Variants in PTPRD observed in about 807,000 individuals in gnomAD.
The protein encoded by PTPRD is receptor-type tyrosine-protein phosphatase delta.
In PTPRD, 34 loss-of-function variants were observed where a neutral mutation model predicts 214.5. The ratio of observed to expected loss-of-function variants is 0.16; its 90% confidence interval spans 0.12 to 0.21. The LOEUF is 0.21. Among genes scored for constraint, PTPRD ranks in the 10% least tolerant of loss-of-function variants. PTPRD has a pLI of 1.00. For missense variants in PTPRD, 2,545 were observed against 2,398.7 expected (o/e 1.06, Z -1.27); for synonymous variants, 1,128 against 845.7 (o/e 1.33, Z -5.79).
intron 3 of PTPRD, among the ~76,000 whole-genome samples, chr9:10,092,738 T>C (rs2098444903): frequency 6.6e-6 from 1 of 151,354 alleles, no homozygotes; most frequent in African/African-American, 2.4e-5. Context: ...CAGCATAGTA[T>C]TGGTACAAAA....
intron 11 of PTPRD, among the ~76,000 whole-genome samples, chr9:8,813,316 G>C (rs964675964): frequency 1.3e-5 from 2 of 152,120 alleles, no homozygotes; most frequent in Admixed American, 6.6e-5. Flanking sequence ...AGCCACAAAG[G>C]AATAGCTTAT....
intron 4 of PTPRD, among the ~76,000 whole-genome samples, chr9:10,017,006 G>A (rs2154114272): frequency 6.6e-6 from 1 of 152,208 alleles, no homozygotes; most frequent in East Asian, 1.9e-4. Flanking sequence ...GTAATGAGAA[G>A]TTTGTGTCAC....
chr9:8,501,940 T>C (rs991268047), intron 23 of PTPRD, among the ~76,000 whole-genome samples: 1 of 152,154 alleles, frequency 6.6e-6, no homozygotes, highest in African/African-American at 2.4e-5. Flanking sequence ...AAAATGTCAA[T>C]AACACAGCCA....
rs1567480349 is a variant in PTPRD, at chr9:10,070,200, C to T, written c.-544-36410G>A. ...TGGCTTTTCTGGCTTAGGCAATAAACTGTCTGTTTTGTCCACTTTTTTGTC... is the reference window on the plus strand; with the variant it reads ...TGGCTTTTCTGGCTTAGGCAATAAATTGTCTGTTTTGTCCACTTTTTTGTC... On this transcript the variant is annotated intron_variant, in intron 3 of 45. Coordinates refer to ENST00000381196, the MANE Select transcript of PTPRD (RefSeq NM_002839.4). 1.3e-5 allele frequency among the ~76,000 whole-genome samples: 2 copies of T among 152,132 alleles called. 1 individual carries two copies. The highest frequency in any genetic ancestry group is 6.8e-3 in the Middle Eastern group (2 of 294).
At chr9:10,337,227 C>T (rs1012907040) in intron 3 of PTPRD, among the ~76,000 whole-genome samples, 3 of 151,572 alleles carry the variant, frequency 2.0e-5, no homozygotes, top group Non-Finnish European at 3.0e-5. Flanking sequence ...ATTTATGAAA[C>T]AGAATTTTCC....
intron 24 of PTPRD, among the ~76,000 whole-genome samples, chr9:8,500,050 CAA>C (rs34424655): frequency 0.13 from 10,156 of 78,168 alleles, 298 homozygotes; most frequent in South Asian, 0.19. Flanking sequence ...ATGACCGATG[CAA>C]AAAAAAAAAA....
At position 8,486,263 on chromosome 9, in the gene PTPRD, G is replaced by C. The variant is rs2135970301; in HGVS notation, c.2554C>G (p.Pro852Ala). 1 of 1,614,126 alleles carries C rather than the reference G, an allele frequency of 6.2e-7. No individual in the cohort carries two copies. Among genetic ancestry groups the C allele is most frequent in the African/African-American group, 1.3e-5 (1 of 75,034 alleles). ...QWHPPVDTFG[P>A]LQGYRLKFGR... ...AATTTTAGACGGTAGCCCTGAAGAGGTCCAAATGTGTCCACCGGAGGGTGC... is the reference window on the plus strand; with the variant it reads ...AATTTTAGACGGTAGCCCTGAAGAGCTCCAAATGTGTCCACCGGAGGGTGC... Residue 852 changes from proline (P) to alanine (A), a missense_variant, in exon 28 of 46, where the codon CCT becomes GCT. Pro to Ala is a conservative substitution (Grantham distance 27). Coordinates refer to ENST00000381196, the MANE Select transcript of PTPRD (RefSeq NM_002839.4).
chr9:10,051,278 G>A (rs1213603101), intron 3 of PTPRD, among the ~76,000 whole-genome samples: 2 of 152,012 alleles, frequency 1.3e-5, no homozygotes, highest in Non-Finnish European at 2.9e-5. Context: ...GGTAATTATT[G>A]CTCAGTACTA....
chr9:9,799,887 G>A (rs1189025161), intron 5 of PTPRD, among the ~76,000 whole-genome samples: 1 of 151,990 alleles, frequency 6.6e-6, no homozygotes, highest in East Asian at 1.9e-4. Flanking sequence ...GATTAATCAC[G>A]AAGACAAAAG....
intron 9 of PTPRD, among the ~76,000 whole-genome samples, chr9:9,288,382 T>G (rs1176875831): frequency 6.6e-6 from 1 of 151,900 alleles, no homozygotes; most frequent in Non-Finnish European, 1.5e-5. Flanking sequence ...TTTCATACTT[T>G]GTTAAACATT....
chr9:9,391,680 C>A (rs1166472956), intron 9 of PTPRD, among the ~76,000 whole-genome samples: 4 of 152,108 alleles, frequency 2.6e-5, no homozygotes, highest in African/African-American at 9.7e-5. Flanking sequence ...GGCATTATTT[C>A]TCTTCCATTT....
Position 8,417,719 on chromosome 9 carries a change from A to T in PTPRD, c.4087-13059T>A, listed in dbSNP as rs191787571. 1.8e-3 allele frequency among the ~76,000 whole-genome samples: 272 copies of T among 152,220 alleles called. 1 individual carries two copies. The highest frequency in any genetic ancestry group is 6.3e-3 in the African/African-American group (263 of 41,542). On this transcript the variant is annotated intron_variant, in intron 35 of 45. Transcript: ENST00000381196. ...TAACTACTGTGAGAGAGACAGCTAC[A>T]AGATCAAAATGTAGGCTGCCAGTGA...
chr9:8,698,667 C>T (rs915353241), intron 12 of PTPRD, among the ~76,000 whole-genome samples: 2 of 152,154 alleles, frequency 1.3e-5, no homozygotes, highest in African/African-American at 4.8e-5. Context: ...GGATTCTACA[C>T]CTGCCGCCTC....
chr9:9,880,123 G>C (rs2068188182), intron 5 of PTPRD, among the ~76,000 whole-genome samples: 1 of 152,096 alleles, frequency 6.6e-6, no homozygotes. Flanking sequence ...GTGTTCTTGT[G>C]ATAGTGAGTG....
At position 9,670,883 on chromosome 9, in the gene PTPRD, A is replaced by C. The variant is rs565887885; in HGVS notation, c.-287+63650T>G. ...TGCAGGGGCAGTGCACTCATGGAGA[A>C]CTCTGTTAGGGCTGTGAGGAAAGGA... On this transcript the variant is annotated intron_variant, in intron 7 of 45. Coordinates refer to ENST00000381196, the MANE Select transcript of PTPRD (RefSeq NM_002839.4). Among the ~76,000 whole-genome samples, 382 of 152,230 alleles carry C rather than the reference A, an allele frequency of 2.5e-3. 2 individuals are homozygous for C. Among genetic ancestry groups the C allele is most frequent in the African/African-American group, 8.6e-3 (358 of 41,528 alleles).
chr9:9,469,042 T>C (rs968881089), intron 8 of PTPRD, among the ~76,000 whole-genome samples: 2 of 152,140 alleles, frequency 1.3e-5, no homozygotes, highest in Non-Finnish European at 2.9e-5. Flanking sequence ...AGAGCTACAT[T>C]TGTGGTCATA....
chr9:8,581,523 C>T (rs767672508), intron 14 of PTPRD, among the ~76,000 whole-genome samples: 5 of 148,452 alleles, frequency 3.4e-5, no homozygotes, highest in East Asian at 2.1e-4. Context: ...CCGAGGTGGG[C>T]GGATCACGAG....
At chr9:10,511,933 T>C (rs1237862566) in intron 2 of PTPRD, among the ~76,000 whole-genome samples, 4 of 83,630 alleles carry the variant, frequency 4.8e-5, no homozygotes, top group East Asian at 4.0e-4. Flanking sequence ...TATATATACG[T>C]GTATATATAT....
chr9:9,683,991 A>G (rs535111986), intron 7 of PTPRD, among the ~76,000 whole-genome samples: 32 of 151,732 alleles, frequency 2.1e-4, no homozygotes, highest in African/African-American at 6.5e-4. Context: ...TCTGAAAATG[A>G]CAGTGAGGGC....
Sources: gnomAD v4.1 joint callset for allele counts (sites outside exome capture counted in the v4.1 genomes callset) on GRCh38, gnomAD v4.1.1 for gene constraint, MANE v1.5 for transcripts, NCBI Gene and HGNC (gene_info 2026-07-23, HGNC 2026-07-21) for gene names.